DIAPH2: variants seen among roughly 807,000 people sequenced by gnomAD.
DIAPH2 encodes protein diaphanous homolog 2.
In DIAPH2, 35 loss-of-function variants were observed where a neutral mutation model predicts 92.7. The ratio of observed to expected loss-of-function variants is 0.38; its 90% CI spans 0.29 to 0.50. The LOEUF is 0.50. Among genes scored for constraint, DIAPH2 ranks in the 20% least tolerant of loss-of-function variants. The probability of loss-of-function intolerance (pLI) is 0.94; values close to 1 mark genes in which losing one functional copy is unlikely to be tolerated. For synonymous variants in DIAPH2, 301 were observed against 280.4 expected (o/e 1.07, Z -0.73); for missense variants, 701 against 819.5 (o/e 0.86, Z 1.77).
chrX:97,293,818 G>C (rs952247884), intron 23 of DIAPH2, among the ~76,000 whole-genome samples: 4 of 111,728 alleles, frequency 3.6e-5, no homozygotes, highest in African/African-American at 1.3e-4. Flanking sequence ...TGATTCTCTT[G>C]TCTATCTTTG....
At chrX:97,202,184 A>G (rs1271835426) in intron 22 of DIAPH2, among the ~76,000 whole-genome samples, 5 of 111,967 alleles carry the variant, frequency 4.5e-5, no homozygotes, top group African/African-American at 1.3e-4. Flanking sequence ...GAAAGGGAAA[A>G]CTGGTACCAG....
chrX:97,357,098 G>A (rs1362919399), intron 24 of DIAPH2, among the ~76,000 whole-genome samples: 3 of 111,634 alleles, frequency 2.7e-5, no homozygotes, highest in African/African-American at 9.8e-5. Context: ...TCACAGAAGT[G>A]TTCCCTATAA....
intron 26 of DIAPH2, among the ~76,000 whole-genome samples, chrX:97,527,069 A>G (rs2071029313): frequency 8.9e-6 from 1 of 111,948 alleles, no homozygotes; most frequent in Non-Finnish European, 1.9e-5. Context: ...TAATAGTAGC[A>G]TGTTGATCAG....
At chrX:97,490,088 C>T (rs1569410469) in intron 26 of DIAPH2, among the ~76,000 whole-genome samples, 2 of 111,072 alleles carry the variant, frequency 1.8e-5, no homozygotes, top group Admixed American at 1.9e-4. Flanking sequence ...GATTCAGTCT[C>T]CTTGTTTGTT....
intron 23 of DIAPH2, among the ~76,000 whole-genome samples, chrX:97,284,485 C>A (rs763153368): frequency 5.0e-4 from 55 of 109,755 alleles, no homozygotes; most frequent in Non-Finnish European, 9.1e-4. Context: ...TGGTGCATGC[C>A]TGTAATCCCA....
intron 26 of DIAPH2, among the ~76,000 whole-genome samples, chrX:97,562,130 C>T (rs1360448707): frequency 1.8e-5 from 2 of 111,130 alleles, no homozygotes; most frequent in Non-Finnish European, 3.8e-5. Flanking sequence ...TTGAACCTTA[C>T]AAGAAATGTG....
intron 4 of DIAPH2, among the ~76,000 whole-genome samples, chrX:96,828,541 A>C (rs2064830048): frequency 8.9e-6 from 1 of 112,153 alleles, no homozygotes; most frequent in South Asian, 3.7e-4. Flanking sequence ...GCACATTAAC[A>C]TATTAAATTA....
At chrX:96,844,114 CT>C (rs1440939501) in intron 4 of DIAPH2, among the ~76,000 whole-genome samples, 1 of 112,240 alleles carries the variant, frequency 8.9e-6, no homozygotes. Flanking sequence ...ATTTTTCTGA[CT>C]TCCCCAATGC....
chrX:97,099,560 CGGATACTCT>C (rs1439606022), intron 19 of DIAPH2, 125 bp from the exon 20 acceptor site: 3 of 353,162 alleles, frequency 8.5e-6, no homozygotes, highest in Non-Finnish European at 1.4e-5. Context: ...CGGGGAAGGG[CGGATACTCT>C]GGTACCATAA....
Position 97,453,111 on chromosome X carries a change from T to A in DIAPH2, c.3241+23366T>A, listed in dbSNP as rs1287774388. On this transcript the variant is annotated intron_variant, in intron 26 of 26. Coordinates refer to ENST00000324765, the MANE Select transcript of DIAPH2 (RefSeq NM_006729.5). ...CTTCTATCTTGTATTTCTATGCATA[T>A]TTTACATTGTTCATATTATACTGTA... Among the ~76,000 whole-genome samples the A allele has an allele frequency of 3.6e-5, 4 of 111,574 alleles. No homozygotes were observed. In the East Asian group the frequency reaches 1.1e-3, roughly 31 times the overall value.
chrX:96,753,699 C>T (rs373650931), intron 3 of DIAPH2, among the ~76,000 whole-genome samples: 4 of 109,260 alleles, frequency 3.7e-5, no homozygotes, highest in Non-Finnish European at 7.7e-5. Flanking sequence ...GAGGATATTA[C>T]GTAGTCTTGA....
chrX:97,053,757 G>A (rs1221872595), intron 17 of DIAPH2, among the ~76,000 whole-genome samples: 2 of 111,274 alleles, frequency 1.8e-5, no homozygotes, highest in Admixed American at 9.5e-5. Context: ...AAAAGTCTAA[G>A]AAAAAAATCA....
At position 97,295,321 on chromosome X, in the gene DIAPH2, C is replaced by T. The variant is rs532667432; in HGVS notation, c.2844+47482C>T. 7.5e-4 allele frequency among the ~76,000 whole-genome samples: 84 copies of T among 111,680 alleles called. 1 individual carries two copies. In the South Asian group the frequency reaches 0.021, roughly 28 times the overall value. ...CACTTTGAACTTTTGTCACTATTCA[C>T]GTATGAATTAGGAACAAACAAAGGT... On this transcript the variant is annotated intron_variant, in intron 23 of 26. Transcript: ENST00000324765.
intron 17 of DIAPH2, among the ~76,000 whole-genome samples, chrX:97,043,702 A>T (rs1319719165): frequency 9.0e-6 from 1 of 111,439 alleles, no homozygotes; most frequent in Admixed American, 9.5e-5. Flanking sequence ...TTGAGATACT[A>T]AAAAAAGAAA....
chrX:97,200,077 C>T (rs1210263030), intron 22 of DIAPH2, among the ~76,000 whole-genome samples: 1 of 110,792 alleles, frequency 9.0e-6, no homozygotes, highest in Non-Finnish European at 1.9e-5. Context: ...GATGGGGCGT[C>T]GCTTCTCCCA....
At chrX:97,030,591 A>T (rs955372512) in intron 17 of DIAPH2, among the ~76,000 whole-genome samples, 2 of 111,294 alleles carry the variant, frequency 1.8e-5, no homozygotes, top group Non-Finnish European at 3.8e-5. Flanking sequence ...GCAGGGGGAA[A>T]TAACAAATCA....
At chrX:97,563,980 C>T (rs1167322809) in intron 26 of DIAPH2, among the ~76,000 whole-genome samples, 2 of 112,073 alleles carry the variant, frequency 1.8e-5, no homozygotes, top group African/African-American at 6.5e-5. Flanking sequence ...TGAATTATTG[C>T]AAGTAATTCT....
chrX:97,006,846 T>C (rs2066186504), intron 17 of DIAPH2, among the ~76,000 whole-genome samples: 1 of 111,755 alleles, frequency 8.9e-6, no homozygotes. Context: ...CTTCTCTTTC[T>C]TCTTTCCTTT....
chrX:96,872,560 C>T (rs2065151060), intron 4 of DIAPH2, among the ~76,000 whole-genome samples: 1 of 100,458 alleles, frequency 1.0e-5, no homozygotes, highest in Admixed American at 1.1e-4. Context: ...GGTGTGATCT[C>T]GGCTCACTGC....
Sources: allele counts gnomAD v4.1 joint callset (sites outside exome capture counted in the v4.1 genomes callset), GRCh38; gene constraint gnomAD v4.1.1; transcripts MANE v1.5; gene names NCBI Gene and HGNC (gene_info 2026-07-23, HGNC 2026-07-21).